Variants in PPP3R1 observed in about 807,000 individuals in gnomAD.
PPP3R1 encodes the protein protein phosphatase 3 regulatory subunit B, alpha.
In PPP3R1, 5 loss-of-function variants were observed where a neutral mutation model predicts 22.6. The observed-to-expected ratio is 0.22, with a 90% CI of 0.12 to 0.46. The LOEUF (loss-of-function observed/expected upper bound fraction) is 0.46, where lower values mean the gene tolerates loss of function less well. PPP3R1 is among the 20% of genes least tolerant of loss of function. The pLI, the probability that PPP3R1 is intolerant of heterozygous loss-of-function variation, is 0.99. For missense variants in PPP3R1, 61 were observed against 203.2 expected (o/e 0.30, Z 4.25); for synonymous variants, 56 against 65.2 (o/e 0.86, Z 0.68).
chr2:68,245,467 C>G (rs1028262724), intron 1 of PPP3R1, among the ~76,000 whole-genome samples: 3 of 152,260 alleles, frequency 2.0e-5, no homozygotes, highest in Non-Finnish European at 4.4e-5. Flanking sequence ...TATCTAAAAC[C>G]AAGCTCACCT....
At chr2:68,240,414 AGATT>A (rs1206240038) in intron 1 of PPP3R1, among the ~76,000 whole-genome samples, 2 of 152,222 alleles carry the variant, frequency 1.3e-5, no homozygotes, top group Non-Finnish European at 2.9e-5. Context: ...ACTTGTATGA[AGATT>A]TTTTCCTTTT....
chr2:68,237,846 C>A (rs1410337281), intron 1 of PPP3R1, among the ~76,000 whole-genome samples: 1 of 152,034 alleles, frequency 6.6e-6, no homozygotes, highest in African/African-American at 2.4e-5. Flanking sequence ...GTTCTAGAAT[C>A]TCCAGAACAG....
At chr2:68,191,531 A>G (rs146802151) in intron 2 of PPP3R1, among the ~76,000 whole-genome samples, 355 of 152,314 alleles carry the variant, frequency 2.3e-3, no homozygotes, top group African/African-American at 7.8e-3. Context: ...GGCCTAGGAT[A>G]TTACTGTAGA....
intron 2 of PPP3R1, among the ~76,000 whole-genome samples, chr2:68,209,250 T>C (rs1669415772): frequency 6.9e-6 from 1 of 144,752 alleles, no homozygotes; most frequent in East Asian, 2.1e-4. Context: ...TCCCAGCTAC[T>C]TGGGAGGCTG....
intron 2 of PPP3R1, among the ~76,000 whole-genome samples, chr2:68,205,242 CTTTTTTTTTT>C (rs397984912): frequency 8.1e-6 from 1 of 123,486 alleles, no homozygotes; most frequent in East Asian, 2.3e-4. Context: ...TCAGTATTAT[CTTTTTTTTTT>C]TTTTTTTTTG....
intron 1 of PPP3R1, among the ~76,000 whole-genome samples, chr2:68,245,781 T>C (rs897222707): frequency 6.6e-6 from 1 of 152,260 alleles, no homozygotes; most frequent in Non-Finnish European, 1.5e-5. Context: ...GGTTCCCCAA[T>C]GGGACCAAAC....
chr2:68,251,625 G>C (rs1196898182), intron 1 of PPP3R1, among the ~76,000 whole-genome samples: 2 of 149,718 alleles, frequency 1.3e-5, no homozygotes, highest in Non-Finnish European at 3.0e-5. Flanking sequence ...CAGGCAGTGA[G>C]TGGAAGCAGC....
At chr2:68,231,320 T>C (rs889203813) in intron 1 of PPP3R1, among the ~76,000 whole-genome samples, 13 of 124,446 alleles carry the variant, frequency 1.0e-4, no homozygotes, top group Non-Finnish European at 1.9e-4. Flanking sequence ...AAATTACTAT[T>C]TGGTCTTTCT....
intron 2 of PPP3R1, among the ~76,000 whole-genome samples, chr2:68,203,553 A>T (rs1675031694): frequency 6.6e-6 from 1 of 151,894 alleles, no homozygotes; most frequent in Non-Finnish European, 1.5e-5. Flanking sequence ...GTGTGCCGAG[A>T]TCGCGCCATT....
At chr2:68,192,915 C>T (rs1674696029) in intron 2 of PPP3R1, among the ~76,000 whole-genome samples, 1 of 152,106 alleles carries the variant, frequency 6.6e-6, no homozygotes, top group South Asian at 2.1e-4. Context: ...CCTCCATTTC[C>T]TTATAAACCT....
At chr2:68,198,105 CATATATATGTAAAT>C (rs1674837155) in intron 2 of PPP3R1, among the ~76,000 whole-genome samples, 1 of 83,130 alleles carries the variant, frequency 1.2e-5, no homozygotes, top group Non-Finnish European at 2.2e-5. Context: ...TATATGTAAA[CATATATATGTAAAT>C]ATATATGTAA....
chr2:68,201,342 C>G (rs1300557600), intron 2 of PPP3R1, among the ~76,000 whole-genome samples: 1 of 152,204 alleles, frequency 6.6e-6, no homozygotes, highest in Non-Finnish European at 1.5e-5. Flanking sequence ...GACTTACTTA[C>G]ACGTATGGCT....
At position 68,252,354 on chromosome 2, in the gene PPP3R1, T is replaced by G; in HGVS notation, c.-227A>C. ...AGGGGGAAATAAATTAAGGTCGAGA[T>G]TCAGAGCCGGAGAGCGCGGGAGGAG... On this transcript the variant is annotated 5_prime_UTR_variant, in exon 1 of 6. Transcript: ENST00000234310. The G allele has an allele frequency of 5.0e-6, 5 of 1,005,264 alleles. No individual in the cohort carries two copies. Among genetic ancestry groups the G allele is most frequent in the Non-Finnish European group, 4.7e-6 (4 of 844,666 alleles). 62.3% of individuals were successfully genotyped at this position (1,005,264 alleles called of 1,614,324 possible). A position where few individuals can be genotyped will look rare whatever the true frequency, so the allele number is the denominator to read the frequency against.
chr2:68,208,194 T>C (rs2103757023), intron 2 of PPP3R1, among the ~76,000 whole-genome samples: 1 of 152,262 alleles, frequency 6.6e-6, no homozygotes. Flanking sequence ...GAGACAAGTA[T>C]TATAGATCTA....
chr2:68,251,577 A>C (rs1358719323), intron 1 of PPP3R1, among the ~76,000 whole-genome samples: 3 of 152,190 alleles, frequency 2.0e-5, no homozygotes, highest in South Asian at 4.1e-4. Flanking sequence ...AGGGGAAGTG[A>C]GTGGCAGGGT....
chr2:68,208,804 T>C (rs952843187), intron 2 of PPP3R1, among the ~76,000 whole-genome samples: 11 of 151,790 alleles, frequency 7.2e-5, no homozygotes, highest in African/African-American at 2.7e-4. Flanking sequence ...TCACCTGTAA[T>C]CCCAGCTTCT....
chr2:68,185,978 T>C (rs1219594859), intron 5 of PPP3R1, among the ~76,000 whole-genome samples: 1 of 152,200 alleles, frequency 6.6e-6, no homozygotes, highest in African/African-American at 2.4e-5. Context: ...GATTTACATT[T>C]AAAAATAAAA....
At chr2:68,201,130 C>T (rs1674967266) in intron 2 of PPP3R1, among the ~76,000 whole-genome samples, 1 of 152,140 alleles carries the variant, frequency 6.6e-6, no homozygotes, top group Non-Finnish European at 1.5e-5. Context: ...CCAATCCCAT[C>T]CCATTACATC....
intron 1 of PPP3R1, among the ~76,000 whole-genome samples, chr2:68,220,946 G>A (rs1669677575): frequency 6.6e-6 from 1 of 152,126 alleles, no homozygotes; most frequent in Non-Finnish European, 1.5e-5. Flanking sequence ...CTTTTAGGGT[G>A]ATGAAAATAT....
Sources: allele counts gnomAD v4.1 joint callset (sites outside exome capture counted in the v4.1 genomes callset), GRCh38; gene constraint gnomAD v4.1.1; transcripts MANE v1.5; gene names NCBI Gene and HGNC (gene_info 2026-07-23, HGNC 2026-07-21).